Variants in RBPJ observed in about 807,000 individuals in gnomAD.
RBPJ encodes the protein recombining binding protein suppressor of hairless.
RBPJ carries 9 observed loss-of-function variants against 67.8 expected under a neutral mutation model. The observed-to-expected ratio is 0.13, with a 90% CI of 0.08 to 0.23. The LOEUF is 0.23. Ranked by LOEUF, RBPJ falls within the 10% of genes least tolerant of loss-of-function variation. The pLI, the probability that RBPJ is intolerant of heterozygous loss-of-function variation, is 1.00. For missense variants in RBPJ, 305 were observed against 595.6 expected (o/e 0.51, Z 5.08); for synonymous variants, 198 against 203.3 (o/e 0.97, Z 0.22).
chr4:26,167,094 T>C (rs994871610), intron 1 of RBPJ, among the ~76,000 whole-genome samples: 1 of 152,104 alleles, frequency 6.6e-6, no homozygotes, highest in African/African-American at 2.4e-5. Flanking sequence ...TTGGTACCAG[T>C]ACCATGCTGT....
chr4:26,196,345 C>A (rs752353056), intron 1 of RBPJ, among the ~76,000 whole-genome samples: 4 of 152,052 alleles, frequency 2.6e-5, no homozygotes, highest in Non-Finnish European at 4.4e-5. Flanking sequence ...GGCTCGATAT[C>A]GTATGATTCT....
At chr4:26,235,149 G>A (rs577973276) in intron 1 of RBPJ, among the ~76,000 whole-genome samples, 2 of 152,136 alleles carry the variant, frequency 1.3e-5, no homozygotes, top group Non-Finnish European at 2.9e-5. Context: ...GCTTAATCAA[G>A]TATCTAATAT....
intron 1 of RBPJ, among the ~76,000 whole-genome samples, chr4:26,171,963 A>C (rs1440208205): frequency 6.6e-6 from 1 of 152,204 alleles, no homozygotes; most frequent in East Asian, 1.9e-4. Flanking sequence ...TGGATCCGGT[A>C]AGTGGGAAAT....
chr4:26,138,055 A>G, the RBPJ span, among the ~76,000 whole-genome samples: 120,319 of 152,148 alleles, frequency 0.79, 47,948 homozygotes, highest in East Asian at 0.99. Context: ...AAGGTCTGGC[A>G]CTGTCATAGC....
At chr4:26,338,872 GGT>G (rs201627988) in intron 1 of RBPJ, among the ~76,000 whole-genome samples, 1 of 150,170 alleles carries the variant, frequency 6.7e-6, no homozygotes, top group African/African-American at 2.4e-5. Flanking sequence ...GGCAAAGTTG[GGT>G]GTGTGTGTGT....
intron 1 of RBPJ, among the ~76,000 whole-genome samples, chr4:26,187,886 G>T (rs1246315892): frequency 6.6e-6 from 1 of 152,070 alleles, no homozygotes; most frequent in Non-Finnish European, 1.5e-5. Flanking sequence ...AATTAGCCAG[G>T]TGTTGTAGCA....
At chr4:26,395,458 AAAG>A (rs749315316) in intron 2 of RBPJ, among the ~76,000 whole-genome samples, 23 of 152,288 alleles carry the variant, frequency 1.5e-4, no homozygotes, top group Non-Finnish European at 2.6e-4. Context: ...CAAAAAAACA[AAAG>A]AAGAAATGAG....
intron 1 of RBPJ, among the ~76,000 whole-genome samples, chr4:26,285,678 T>TAAA (rs545484809): frequency 0.041 from 3,941 of 96,184 alleles, 176 homozygotes; most frequent in East Asian, 0.065. Flanking sequence ...ACTGATACGT[T>TAAA]AAAAAAAAAA....
chr4:26,268,709 T>C (rs1261039061), intron 1 of RBPJ, among the ~76,000 whole-genome samples: 2 of 151,938 alleles, frequency 1.3e-5, no homozygotes, highest in African/African-American at 2.4e-5. Flanking sequence ...AAATAGAAAC[T>C]GCCTTGTCTA....
intron 3 of RBPJ, among the ~76,000 whole-genome samples, chr4:26,408,313 AACACTGAT>A (rs1733677883): frequency 2.6e-5 from 4 of 152,210 alleles, no homozygotes; most frequent in African/African-American, 9.6e-5. Flanking sequence ...ATACAACTTA[AACACTGAT>A]TTAGGGTTAA....
chr4:26,272,410 A>T (rs188873797), intron 1 of RBPJ, among the ~76,000 whole-genome samples: 3,591 of 151,634 alleles, frequency 0.024, 70 homozygotes, highest in Middle Eastern at 0.037. Flanking sequence ...TACAAAAAAA[A>T]TTTTTTTTTA....
In RBPJ at chr4:26,332,395, G is replaced by C. The variant is rs929010582; in HGVS notation, c.20+11347G>C. 6.6e-5 allele frequency among the ~76,000 whole-genome samples: 10 copies of C among 152,144 alleles called. 1 individual carries two copies. The highest frequency in any genetic ancestry group is 2.6e-4 in the Admixed American group (4 of 15,280). On this transcript the variant is annotated intron_variant, in intron 1 of 10. Coordinates refer to ENST00000355476, the MANE Select transcript of RBPJ (RefSeq NM_015874.6). ...TTAGGTACCCTAAGTCCTGGAAATT[G>C]TCAGTTGCTTAAATAATTAAATACA...
upstream of RBPJ, among the ~76,000 whole-genome samples, chr4:26,160,494 G>A (rs1716055342): frequency 6.6e-6 from 1 of 152,190 alleles, no homozygotes; most frequent in African/African-American, 2.4e-5. Flanking sequence ...CCTAGAGCTA[G>A]TATCTTATTC....
chr4:26,226,349 A>G (rs994476165), intron 1 of RBPJ, among the ~76,000 whole-genome samples: 4 of 152,064 alleles, frequency 2.6e-5, no homozygotes, highest in Non-Finnish European at 4.4e-5. Context: ...TGCTTCCCAC[A>G]TATAGTCCCA....
At chr4:26,359,011 T>G (rs149524097) in intron 1 of RBPJ, among the ~76,000 whole-genome samples, 1 of 152,136 alleles carries the variant, frequency 6.6e-6, no homozygotes, top group African/African-American at 2.4e-5. Context: ...AGCTAGTGAG[T>G]AGAGGATCTA....
At chr4:26,231,696 G>A (rs111402927) in intron 1 of RBPJ, among the ~76,000 whole-genome samples, 212 of 150,920 alleles carry the variant, frequency 1.4e-3, no homozygotes, top group African/African-American at 4.9e-3. Context: ...ACAGGCATGA[G>A]CCACGGCGCC....
At chr4:26,186,192 TAAAA>T (rs528707678) in intron 1 of RBPJ, among the ~76,000 whole-genome samples, 201 of 117,050 alleles carry the variant, frequency 1.7e-3, no homozygotes, top group African/African-American at 4.9e-3. Flanking sequence ...CCCTTTTTTT[TAAAA>T]AAAAAAAAAA....
chr4:26,205,015 C>T (rs2109159992), intron 1 of RBPJ, among the ~76,000 whole-genome samples: 1 of 152,276 alleles, frequency 6.6e-6, no homozygotes. Context: ...GCCTCGGCGC[C>T]AGGGGCCACG....
At chr4:26,132,645 C>T in the RBPJ span, among the ~76,000 whole-genome samples, 2 of 152,196 alleles carry the variant, frequency 1.3e-5, no homozygotes, top group African/African-American at 4.8e-5. Flanking sequence ...ACCCCTGGGT[C>T]TTCGCTGGCC....
Sources: allele counts gnomAD v4.1 joint callset (sites outside exome capture counted in the v4.1 genomes callset), GRCh38; gene constraint gnomAD v4.1.1; transcripts MANE v1.5; gene names NCBI Gene and HGNC (gene_info 2026-07-23, HGNC 2026-07-21).